Variants in IGFBP4 observed in about 807,000 individuals in gnomAD.
The protein encoded by IGFBP4 is insulin like growth factor binding protein 4.
Under a neutral mutation model 25.8 loss-of-function variants are expected in IGFBP4, and 9 were observed. The ratio of observed to expected loss-of-function variants is 0.35; its 90% CI spans 0.21 to 0.61. The LOEUF (loss-of-function observed/expected upper bound fraction) is 0.61, where lower values mean the gene tolerates loss of function less well. IGFBP4 is among the 20% of genes least tolerant of loss of function. The pLI, the probability that IGFBP4 is intolerant of heterozygous loss-of-function variation, is 0.77. For missense variants in IGFBP4, 315 were observed against 365.3 expected (o/e 0.86, Z 1.12); for synonymous variants, 153 against 153.9 (o/e 0.99, Z 0.05).
In IGFBP4 at chr17:40,453,305, G is replaced by A. The variant is rs1237048983; in HGVS notation, c.507+163G>A. ...GACTACTGTGTGCAAGGTGCAACTA[G>A]TGTGAGTCATCAGGACCCAGAGAAA... is the stretch of plus-strand genomic sequence containing the variant. On this transcript the variant is annotated intron_variant, in intron 2 of 3. Transcript: ENST00000269593. This position sits in a 1 kb window ranked among gnomAD's most constrained non-coding sequence, Gnocchi z 4.0. 6.6e-6 allele frequency among the ~76,000 whole-genome samples: 1 copy of A among 152,166 alleles called. No individual in the cohort carries two copies. Among genetic ancestry groups the A allele is most frequent in the Non-Finnish European group, 1.5e-5 (1 of 68,024 alleles).
rs28436048 is a variant in IGFBP4, at chr17:40,444,926, C to G, written c.349+842C>G. On this transcript the variant is annotated intron_variant, in intron 1 of 3. Transcript: ENST00000269593. ...ACACACACACACACACACACACACA[C>G]AGAGACAGAGAGAGAGAGAGAGAGA... 5.4e-3 allele frequency among the ~76,000 whole-genome samples: 340 copies of G among 62,616 alleles called. 5 individuals carry two copies. Among genetic ancestry groups the G allele is most frequent in the South Asian group, 0.011 (20 of 1,892 alleles). The allele number at this position is 62,616 out of a possible 152,430, so 41.1% of individuals were successfully genotyped here.
chr17:40,444,938 G>A (rs991017779), intron 1 of IGFBP4, among the ~76,000 whole-genome samples: 1 of 37,072 alleles, frequency 2.7e-5, no homozygotes, highest in Non-Finnish European at 7.0e-5. Flanking sequence ...GAGACAGAGA[G>A]AGAGAGAGAG....
rs554525943 is a variant in IGFBP4 at position 40,453,314 on chromosome 17, A to G, written c.507+172A>G. 2.0e-5 allele frequency among the ~76,000 whole-genome samples: 3 copies of G among 152,330 alleles called. No homozygotes were observed. In the South Asian group the frequency reaches 6.2e-4, roughly 32 times the overall value. ...GTGCAAGGTGCAACTAGTGTGAGTC[A>G]TCAGGACCCAGAGAAAGCACTCATT... On this transcript the variant is annotated intron_variant, in intron 2 of 3. Transcript: ENST00000269593. This position sits in a 1 kb window ranked among gnomAD's most constrained non-coding sequence, Gnocchi z 4.0.
At chr17:40,455,199 CCA>C (rs1230790776) in intron 3 of IGFBP4, among the ~76,000 whole-genome samples, 1 of 152,152 alleles carries the variant, frequency 6.6e-6, no homozygotes, top group East Asian at 1.9e-4. Flanking sequence ...GTCATCCACC[CCA>C]GTTTCCTCAT....
At chr17:40,447,041 G>A (rs1597674015) in intron 1 of IGFBP4, among the ~76,000 whole-genome samples, 1 of 152,246 alleles carries the variant, frequency 6.6e-6, no homozygotes, top group African/African-American at 2.4e-5. Flanking sequence ...TGGGCCCACT[G>A]GCCCGCGAAT....
intron 1 of IGFBP4, among the ~76,000 whole-genome samples, chr17:40,444,819 A>G (rs1481758614): frequency 1.3e-5 from 2 of 151,228 alleles, no homozygotes; most frequent in African/African-American, 2.4e-5. Context: ...TGTGTGGGAT[A>G]GGGAATAGAG....
At position 40,452,988 on chromosome 17, in the gene IGFBP4, A is replaced by G. The variant is rs1177199565; in HGVS notation, c.353A>G (p.Lys118Arg). The change falls in exon 2 of 4, where the codon AAG becomes AGG. Residue 118 changes from lysine (K) to arginine (R), a missense_variant. By Grantham distance (26) the Lys-to-Arg change is conservative. Transcript: ENST00000269593. ...CCTTATCGCTACCTGAATACAGACA[A>G]GGACGAGGGTGACCACCCCAACAAC... ...AIQESLQPSD[K>R]DEGDHPNNSF... is the part of the protein sequence containing the mutation. 1 of 1,528,400 alleles carries G rather than the reference A, an allele frequency of 6.5e-7. No individual in the cohort carries two copies. The highest frequency in any genetic ancestry group is 2.5e-5 in the East Asian group (1 of 39,556). The allele number at this position is 1,528,400 out of a possible 1,614,324, so 94.7% of individuals were successfully genotyped here. A position where few individuals can be genotyped will look rare whatever the true frequency, so the allele number is the denominator to read the frequency against.
intron 3 of IGFBP4, among the ~76,000 whole-genome samples, chr17:40,456,211 G>A (rs901756633): frequency 4.6e-5 from 7 of 152,192 alleles, no homozygotes; most frequent in Admixed American, 2.0e-4. Context: ...CTTTAAACCC[G>A]AGGGCTTTCT....
chr17:40,455,671 T>C (rs918854307), intron 3 of IGFBP4, among the ~76,000 whole-genome samples: 4 of 151,936 alleles, frequency 2.6e-5, no homozygotes, highest in Non-Finnish European at 4.4e-5. Flanking sequence ...TTAGGAGAGA[T>C]GGGGTTTTGC....
At chr17:40,454,635 C>T (rs2035704778) in intron 3 of IGFBP4, among the ~76,000 whole-genome samples, 1 of 152,194 alleles carries the variant, frequency 6.6e-6, no homozygotes, top group South Asian at 2.1e-4. Context: ...AGGAGTGGGG[C>T]AGGAGAGAAG....
intron 1 of IGFBP4, 76 bp downstream of exon 1, chr17:40,444,160 C>A (rs2035627558): frequency 1.8e-6 from 2 of 1,116,676 alleles, no homozygotes; most frequent in East Asian, 5.2e-5. Flanking sequence ...TTCCAGCCGC[C>A]CTGGAAGGCC....
Position 40,453,265 on chromosome 17 carries a change from C to T in IGFBP4, c.507+123C>T. The stretch of plus-strand genomic sequence containing the variant: ...CCAGATCTGGGGCGTGTTCATTCAG[C>T]ACACATTCTAGGGTGACTACTGTGT... On this transcript the variant is annotated intron_variant, in intron 2 of 3. Transcript: ENST00000269593. This position sits in a 1 kb window ranked among gnomAD's most constrained non-coding sequence, Gnocchi z 4.0. 1.4e-6 allele frequency: 1 copy of T among 705,126 alleles called. No individual in the cohort carries two copies. The highest frequency in any genetic ancestry group is 3.0e-5 in the South Asian group (1 of 33,584). The allele number at this position is 705,126 out of a possible 1,614,324, so 43.7% of individuals were successfully genotyped here.
chr17:40,456,583 A>C lies in IGFBP4; in HGVS notation c.777A>C (p.Ter259CysextTer28). 3 of 1,611,884 alleles carry C rather than the reference A, an allele frequency of 1.9e-6. No homozygotes were observed. The South Asian group carries it at 3.3e-5, about 18-fold the overall frequency. Residue 259 changes from the stop codon to cysteine, a stop_lost, in exon 4 of 4, where the codon TGA (stop) becomes TGC (cysteine). Coordinates refer to ENST00000269593, the MANE Select transcript of IGFBP4 (RefSeq NM_001552.3). Reference sequence around the variant, plus strand: ...AGCTGGCTGACAGCTTTCGAGAGTGAGGCCTGCCAGCAGGCCAGGGACTCA... The same window carrying C: ...AGCTGGCTGACAGCTTTCGAGAGTGCGGCCTGCCAGCAGGCCAGGGACTCA... ...CHQLADSFRE[*>C]
intron 1 of IGFBP4, among the ~76,000 whole-genome samples, chr17:40,451,504 AT>A (rs2035682377): frequency 6.6e-6 from 1 of 150,646 alleles, no homozygotes; most frequent in Non-Finnish European, 1.5e-5. Flanking sequence ...AGGCAGAAAA[AT>A]ACCATTTGAC....
chr17:40,453,206 C>A lies in IGFBP4; in HGVS notation c.507+64C>A. 11 of 1,248,286 alleles carry A rather than the reference C, an allele frequency of 8.8e-6. No individual in the cohort carries two copies. The highest frequency in any genetic ancestry group is 2.9e-5 in the East Asian group (1 of 33,974). 77.3% of individuals were successfully genotyped at this position (1,248,286 alleles called of 1,614,324 possible). A position where few individuals can be genotyped will look rare whatever the true frequency, so the allele number is the denominator to read the frequency against. The stretch of plus-strand genomic sequence containing the variant: ...CACACACACACACATGCCCCCTGCC[C>A]CCCACATGCACGCACCCACACACAC... On this transcript the variant is annotated intron_variant, in intron 2 of 3. Transcript: ENST00000269593. This position sits in a 1 kb window ranked among gnomAD's most constrained non-coding sequence, Gnocchi z 4.0.
At chr17:40,444,124 C>T (rs1429617572) in intron 1 of IGFBP4, 40 bp downstream of exon 1, 2 of 1,447,592 alleles carry the variant, frequency 1.4e-6, no homozygotes, top group South Asian at 2.4e-5. Flanking sequence ...CCTGAGTGCG[C>T]TCCCTTCCCA....
chr17:40,453,851 C>A lies in IGFBP4; in HGVS notation c.508-77C>A. ...GCCTCCTTTCGGGGCCTTCAGTTCT[C>A]ACTTAGCTCTGACCCCAGGCCTGGG... On this transcript the variant is annotated intron_variant, in intron 2 of 3. Coordinates refer to ENST00000269593, the MANE Select transcript of IGFBP4 (RefSeq NM_001552.3). This position sits in a 1 kb window ranked among gnomAD's most constrained non-coding sequence, Gnocchi z 4.0. 1 of 1,163,092 alleles carries A rather than the reference C, an allele frequency of 8.6e-7. No individual in the cohort carries two copies. Among genetic ancestry groups the A allele is most frequent in the Non-Finnish European group, 1.2e-6 (1 of 820,740 alleles). The allele number at this position is 1,163,092 out of a possible 1,614,324, so 72.0% of individuals were successfully genotyped here.
intron 1 of IGFBP4, among the ~76,000 whole-genome samples, chr17:40,447,309 G>A (rs1033508736): frequency 2.3e-4 from 35 of 152,196 alleles, no homozygotes; most frequent in African/African-American, 7.7e-4. Flanking sequence ...GAGGCGGGGC[G>A]TGTGCATCAA....
chr17:40,449,523 TG>T (rs1394403337), intron 1 of IGFBP4, among the ~76,000 whole-genome samples: 1 of 151,512 alleles, frequency 6.6e-6, no homozygotes, highest in Non-Finnish European at 1.5e-5. Flanking sequence ...CCGAGGCAGG[TG>T]GATCACGAGG....
Sources: allele counts gnomAD v4.1 joint callset (sites outside exome capture counted in the v4.1 genomes callset), GRCh38; gene constraint gnomAD v4.1.1; non-coding constraint Gnocchi (gnomAD v3.1); transcripts MANE v1.5; gene names NCBI Gene and HGNC (gene_info 2026-07-23, HGNC 2026-07-21).